The following LMBR1 variants were observed in gnomAD, a reference collection of about 807,000 sequenced individuals.
The protein encoded by LMBR1 is limb region 1 protein homolog.
In LMBR1, 52 loss-of-function variants were observed where a neutral mutation model predicts 73.9. The ratio of observed to expected loss-of-function variants is 0.70; its 90% confidence interval spans 0.56 to 0.89. LMBR1 has a LOEUF of 0.89. Among genes scored for constraint, LMBR1 ranks in the 40% least tolerant of loss-of-function variants. The probability of loss-of-function intolerance (pLI) is 0.00; values close to 1 mark genes in which losing one functional copy is unlikely to be tolerated. For synonymous variants in LMBR1, 215 were observed against 209.4 expected, an observed-to-expected ratio of 1.03 and a Z score of -0.23; for missense variants, 539 against 579.8, an observed-to-expected ratio of 0.93 and a Z score of 0.72.
chr7:156,836,122 C>T (rs917863619), intron 2 of LMBR1, among the ~76,000 whole-genome samples: 2 of 152,134 alleles, frequency 1.3e-5, no homozygotes, highest in Admixed American at 1.3e-4. Context: ...TCAAAAGTCC[C>T]GCAAGTTTAA....
chr7:156,862,914 T>C (rs969187740), intron 1 of LMBR1, among the ~76,000 whole-genome samples: 2 of 152,216 alleles, frequency 1.3e-5, no homozygotes, highest in Admixed American at 6.5e-5. Context: ...GGAATGAAAC[T>C]ACACTATCAA....
intron 15 of LMBR1, among the ~76,000 whole-genome samples, chr7:156,709,367 C>G (rs1474485025): frequency 1.3e-5 from 2 of 152,340 alleles, no homozygotes; most frequent in Admixed American, 1.3e-4. Flanking sequence ...AGTCTGTCCA[C>G]ATGACACTTT....
intron 5 of LMBR1, among the ~76,000 whole-genome samples, chr7:156,776,680 CA>C (rs1826192366): frequency 6.6e-6 from 1 of 152,164 alleles, no homozygotes; most frequent in Non-Finnish European, 1.5e-5. Flanking sequence ...GCCTCAACCC[CA>C]TGGTTCACTA....
intron 1 of LMBR1, among the ~76,000 whole-genome samples, chr7:156,883,267 T>C (rs944301788): frequency 6.7e-6 from 1 of 149,728 alleles, no homozygotes; most frequent in Non-Finnish European, 1.5e-5. Flanking sequence ...GGTGTGGTGG[T>C]GCACACCTGT....
chr7:156,773,952 T>C (rs1394585032), intron 5 of LMBR1, among the ~76,000 whole-genome samples: 1 of 151,980 alleles, frequency 6.6e-6, no homozygotes, highest in Non-Finnish European at 1.5e-5. Flanking sequence ...GGAGACAATA[T>C]TTGCAAACTA....
At chr7:156,722,061 T>C (rs184201311) in intron 15 of LMBR1, among the ~76,000 whole-genome samples, 1 of 152,200 alleles carries the variant, frequency 6.6e-6, no homozygotes, top group East Asian at 1.9e-4. Context: ...TATAATCAAA[T>C]TTATATTCTT....
chr7:156,835,069 G>A (rs1837374401), intron 2 of LMBR1, among the ~76,000 whole-genome samples: 1 of 152,160 alleles, frequency 6.6e-6, no homozygotes, highest in Non-Finnish European at 1.5e-5. Context: ...GAACCCAGGA[G>A]GCAGAGGTTG....
At position 156,769,217 on chromosome 7, in the gene LMBR1, G is replaced by A. The variant is rs73741532; in HGVS notation, c.424-5422C>T. ...AGTAGCTCACACCTGTAATCCCAGT[G>A]CTTCAGGAAGCTGAGGCACCACTCA... On this transcript the variant is annotated intron_variant, in intron 5 of 16. Coordinates refer to ENST00000353442, the MANE Select transcript of LMBR1 (RefSeq NM_022458.4). Among the ~76,000 whole-genome samples, 62 of 152,252 alleles carry A rather than the reference G, an allele frequency of 4.1e-4. 1 individual carries two copies. Among genetic ancestry groups the A allele is most frequent in the African/African-American group, 1.4e-3 (58 of 41,538 alleles).
chr7:156,761,427 C>T (rs921466902), intron 8 of LMBR1, among the ~76,000 whole-genome samples: 4 of 152,032 alleles, frequency 2.6e-5, no homozygotes, highest in African/African-American at 9.7e-5. Context: ...TTCAATTAAT[C>T]GAGACACAAT....
intron 15 of LMBR1, among the ~76,000 whole-genome samples, chr7:156,708,441 C>CA (rs1044893510): frequency 3.9e-5 from 6 of 152,070 alleles, no homozygotes; most frequent in African/African-American, 1.4e-4. Flanking sequence ...GGGAGCCACA[C>CA]AAAAAATAAA....
intron 15 of LMBR1, among the ~76,000 whole-genome samples, chr7:156,721,291 AAGG>A (rs1814513342): frequency 6.6e-6 from 1 of 152,140 alleles, no homozygotes; most frequent in African/African-American, 2.4e-5. Flanking sequence ...TTCCTCTTTA[AAGG>A]AGAATTCAAA....
At chr7:156,794,291 A>C (rs1829720239) in intron 5 of LMBR1, among the ~76,000 whole-genome samples, 2 of 152,218 alleles carry the variant, frequency 1.3e-5, no homozygotes, top group African/African-American at 4.8e-5. Context: ...AAAAGACTAA[A>C]AATTTTTTTA....
intron 1 of LMBR1, among the ~76,000 whole-genome samples, chr7:156,882,516 A>C (rs1020457844): frequency 6.6e-6 from 1 of 152,230 alleles, no homozygotes; most frequent in African/African-American, 2.4e-5. Flanking sequence ...AGAGAGTCAC[A>C]AGAAGACAAA....
rs542958847 is a variant in LMBR1 at position 156,778,578 on chromosome 7, A to C, written c.424-14783T>G. ...AGGTGGCAAATTTTTTACCTTCAAAAACTTTGAGCTAGAGAGAAGAGAGAT... is the reference window on the plus strand; with the variant it reads ...AGGTGGCAAATTTTTTACCTTCAAACACTTTGAGCTAGAGAGAAGAGAGAT... On this transcript the variant is annotated intron_variant, in intron 5 of 16. Transcript: ENST00000353442. Among the ~76,000 whole-genome samples, 9 of 152,336 alleles carry C rather than the reference A, an allele frequency of 5.9e-5. No individual in the cohort carries two copies. The East Asian group carries it at 1.5e-3, about 26-fold the overall frequency.
At chr7:156,720,777 G>A (rs987203735) in intron 15 of LMBR1, among the ~76,000 whole-genome samples, 8 of 151,514 alleles carry the variant, frequency 5.3e-5, no homozygotes, top group Non-Finnish European at 1.0e-4. Flanking sequence ...TCAATATAGG[G>A]TTTGAAATTA....
chr7:156,791,369 G>C lies in LMBR1; in HGVS notation c.423+5020C>G, dbSNP rs79564846. Among the ~76,000 whole-genome samples, 425 of 152,276 alleles carry C rather than the reference G, an allele frequency of 2.8e-3. 4 individuals carry two copies. Among genetic ancestry groups the C allele is most frequent in the Non-Finnish European group, 4.4e-3 (298 of 68,012 alleles). Reference sequence around the variant, plus strand: ...TAATGAAAGAATGCAATGAAAGCTCGTGGAGACAGAGGCTGGACTTCCTAC... The same window carrying C: ...TAATGAAAGAATGCAATGAAAGCTCCTGGAGACAGAGGCTGGACTTCCTAC... On this transcript the variant is annotated intron_variant, in intron 5 of 16. Transcript: ENST00000353442.
intron 4 of LMBR1, 68 bp from the exon 5 acceptor site, chr7:156,796,560 T>G: frequency 5.1e-6 from 5 of 980,980 alleles, no homozygotes; most frequent in East Asian, 2.8e-5. Context: ...TTAATCAAGA[T>G]CTATACTTTT....
intron 2 of LMBR1, 43 bp downstream of exon 2, chr7:156,836,770 G>T: frequency 7.9e-7 from 1 of 1,262,512 alleles, no homozygotes; most frequent in Non-Finnish European, 1.1e-6. Context: ...CCTAGACCAT[G>T]TGGCATTCTA....
chr7:156,711,297 C>T (rs548906804), intron 15 of LMBR1, among the ~76,000 whole-genome samples: 4 of 151,988 alleles, frequency 2.6e-5, no homozygotes, highest in East Asian at 3.9e-4. Flanking sequence ...GGCGACAGAG[C>T]GAGACTCTGT....
Sources: allele counts gnomAD v4.1 joint callset (sites outside exome capture counted in the v4.1 genomes callset), GRCh38; gene constraint gnomAD v4.1.1; transcripts MANE v1.5; gene names NCBI Gene and HGNC (gene_info 2026-07-23, HGNC 2026-07-21).